The following USP42 variants were observed in gnomAD, a reference collection of about 807,000 sequenced individuals.
USP42 encodes the protein ubiquitin specific peptidase 42.
In USP42, 23 loss-of-function variants were observed where a neutral mutation model predicts 113.0. That is an observed-to-expected ratio of 0.20 (90% CI 0.15 to 0.29). The LOEUF (loss-of-function observed/expected upper bound fraction) is 0.29. USP42 is among the 10% of genes least tolerant of loss of function. USP42 has a pLI of 1.00. For missense variants in USP42, 2,174 were observed against 1,779.8 expected, an observed-to-expected ratio of 1.22 and a Z score of -3.99; for synonymous variants, 933 against 699.0, an observed-to-expected ratio of 1.33 and a Z score of -5.28.
At chr7:6,095,637 C>A in the USP42 span, among the ~76,000 whole-genome samples, 1 of 151,080 alleles carries the variant, frequency 6.6e-6, no homozygotes, top group African/African-American at 2.5e-5. Flanking sequence ...CCACTGCACT[C>A]CAGCCTGGGC....
Position 6,154,793 on chromosome 7 carries a change from G to A in USP42, c.3239G>A (p.Gly1080Asp), listed in dbSNP as rs1330421275. ...CGGGACTGGAAGCCCTTCCACGGCGGCCGCGAGCACGAGCGGGCCGGGCTG... is the reference window on the plus strand; with the variant it reads ...CGGGACTGGAAGCCCTTCCACGGCGACCGCGAGCACGAGCGGGCCGGGCTG... ...AARDWKPFHG[G>D]REHERAGLHE... Residue 1080 changes from glycine (G) to aspartate (D), a missense_variant, in exon 15 of 18, where the codon GGC becomes GAC. Transcript: ENST00000306177. 1 of 1,547,902 alleles carries A rather than the reference G, an allele frequency of 6.5e-7. No individual in the cohort carries two copies.
chr7:6,135,847 C>G lies in USP42; in HGVS notation c.449C>G (p.Ala150Gly). The G allele has an allele frequency of 6.3e-7, 1 of 1,594,032 alleles. No homozygotes were observed. The highest frequency in any genetic ancestry group is 8.5e-7 in the Non-Finnish European group (1 of 1,171,870). Residue 150 changes from alanine to glycine, a missense_variant, in exon 4 of 18, where the codon GCA becomes GGA. Transcript: ENST00000306177. ...LSHEHSKTCH[A>G]EGFCMMCTMQ... ...ATTATCATCTATCTTTCAGGTCATG[C>G]AGAAGGCTTTTGTATGATGTGTACA...
At chr7:6,092,073 TTCC>T in the USP42 span, among the ~76,000 whole-genome samples, 6 of 49,962 alleles carry the variant, frequency 1.2e-4, no homozygotes, top group East Asian at 6.9e-4. Context: ...CTTCTTCTTC[TTCC>T]TCTTCCTCTT....
chr7:6,129,976 G>C (rs1187605622), intron 3 of USP42, among the ~76,000 whole-genome samples: 2 of 152,018 alleles, frequency 1.3e-5, no homozygotes, highest in African/African-American at 4.8e-5. Flanking sequence ...TCAGTTGAAA[G>C]CTGGATTTTA....
At chr7:6,100,045 G>GGTT, upstream of USP42, among the ~76,000 whole-genome samples, 1 of 129,190 alleles carries the variant, frequency 7.7e-6, no homozygotes, top group Non-Finnish European at 1.7e-5. Flanking sequence ...TAGAGACTGG[G>GGTT]GCTCACTATG....
At chr7:6,092,076 C>CTTCTTCTTCTTCTTCTTCTTTTT in the USP42 span, among the ~76,000 whole-genome samples, 1 of 23,818 alleles carries the variant, frequency 4.2e-5, no homozygotes, top group African/African-American at 2.4e-4. Context: ...CTTCTTCTTC[C>CTTCTTCTTCTTCTTCTTCTTTTT]TCTTCCTCTT....
intron 14 of USP42, among the ~76,000 whole-genome samples, chr7:6,151,947 C>CCATA (rs535132451): frequency 1.2e-3 from 179 of 152,208 alleles, no homozygotes; most frequent in African/African-American, 4.1e-3. Context: ...CTGTTGTTGA[C>CCATA]CGTATGTATG....
intron 3 of USP42, among the ~76,000 whole-genome samples, chr7:6,132,095 G>A (rs1376123872): frequency 6.6e-6 from 1 of 152,108 alleles, no homozygotes; most frequent in Non-Finnish European, 1.5e-5. Flanking sequence ...ACCATGCCTG[G>A]CTAATTTTTT....
intron 1 of USP42, among the ~76,000 whole-genome samples, 164 bp from the exon 2 acceptor site, chr7:6,110,961 G>C (rs1326461797): frequency 6.6e-6 from 1 of 152,156 alleles, no homozygotes; most frequent in Non-Finnish European, 1.5e-5. Context: ...GTCCCAAGGG[G>C]ATTATTACAG....
intron 4 of USP42, 116 bp from the exon 5 acceptor site, chr7:6,138,976 A>G: frequency 1.6e-6 from 1 of 643,044 alleles, no homozygotes; most frequent in South Asian, 2.3e-5. Context: ...TTTCCTCATA[A>G]AGTAAGTATT....
At chr7:6,131,020 T>G (rs1403612934) in intron 3 of USP42, among the ~76,000 whole-genome samples, 1 of 152,000 alleles carries the variant, frequency 6.6e-6, no homozygotes, top group African/African-American at 2.4e-5. Context: ...CTGAGATGAT[T>G]AGGGCAGAGG....
In USP42 at chr7:6,115,438, C is replaced by G. The variant is rs780172046; in HGVS notation, c.357C>G (p.Thr119=). The G allele has an allele frequency of 1.9e-6, 3 of 1,614,044 alleles. No homozygotes were observed. In the Admixed American group the frequency reaches 5.0e-5, roughly 27 times the overall value. ...CTGGGCTCCAGAATTTGGGCAATAC[C>G]TGTTTTGCCAATGCAGCACTGCAGT... ...VGAGLQNLGN[T]CFANAALQCL... is the part of the protein sequence containing the mutation. Residue 119 remains threonine (T), a synonymous_variant, in exon 3 of 18, where the codon ACC becomes ACG. Transcript: ENST00000306177.
In USP42 at chr7:6,154,873, C is replaced by G. The variant is rs761845592; in HGVS notation, c.3319C>G (p.Arg1107Gly). 1.3e-6 allele frequency: 2 copies of G among 1,527,794 alleles called. No individual in the cohort carries two copies. The highest frequency in any genetic ancestry group is 2.5e-5 in the East Asian group (1 of 39,864). 94.6% of individuals were successfully genotyped at this position (1,527,794 alleles called of 1,614,324 possible). Residue 1107 changes from arginine to glycine, a missense_variant, in exon 15 of 18, where the codon CGG becomes GGG. By Grantham distance (125) the Arg-to-Gly change is moderately radical (BLOSUM62 -2). Coordinates refer to ENST00000306177, the MANE Select transcript of USP42 (RefSeq NM_032172.3). ...GGGCCGTAGGGGCTGCGAGCCGGCCCGGGAGAGGGAGCGGCACCGCCCCAG... is the reference window on the plus strand; with the variant it reads ...GGGCCGTAGGGGCTGCGAGCCGGCCGGGGAGAGGGAGCGGCACCGCCCCAG... ...NRGRRGCEPA[R>G]ERERHRPSSP...
At chr7:6,102,915 T>G (rs118038962), upstream of USP42, among the ~76,000 whole-genome samples, 1,987 of 150,934 alleles carry the variant, frequency 0.013, 40 homozygotes, top group Middle Eastern at 0.037. Flanking sequence ...GAGAAGAGAC[T>G]GTTGAGATGG....
chr7:6,102,708 G>A (rs1790164703), upstream of USP42, among the ~76,000 whole-genome samples: 1 of 150,940 alleles, frequency 6.6e-6, no homozygotes, highest in South Asian at 2.1e-4. Flanking sequence ...TAGTGGGGTA[G>A]GGCTGGGTAC....
chr7:6,135,899 C>T lies in USP42; in HGVS notation c.501C>T (p.Leu167=), dbSNP rs1031551423. 4 of 1,610,338 alleles carry T rather than the reference C, an allele frequency of 2.5e-6. No individual in the cohort carries two copies. Among genetic ancestry groups the T allele is most frequent in the Middle Eastern group, 1.7e-4 (1 of 6,048 alleles). The part of the protein sequence containing the change: ...CTMQAHITQA[L]SNPGDVIKPM... ...TGCAAGCACATATTACCCAGGCACT[C>T]AGTAATCCTGGGGACGTTATTAAAC... Residue 167 remains leucine (L), a synonymous_variant, in exon 4 of 18, where the codon CTC becomes CTT. Coordinates refer to ENST00000306177, the MANE Select transcript of USP42 (RefSeq NM_032172.3).
At chr7:6,130,922 A>AC (rs1479316682) in intron 3 of USP42, among the ~76,000 whole-genome samples, 1 of 152,086 alleles carries the variant, frequency 6.6e-6, no homozygotes, top group East Asian at 1.9e-4. Flanking sequence ...AGGGTAGGGC[A>AC]GGGGGAAGAA....
At chr7:6,152,917 A>C (rs1164206642) in intron 14 of USP42, 3 of 985,216 alleles carry the variant, frequency 3.0e-6, no homozygotes, top group Non-Finnish European at 3.6e-6. Flanking sequence ...GTCGAGAGGA[A>C]AGGAGGAGGC....
chr7:6,150,372 G>A (rs763584631), intron 13 of USP42, 40 bp from the exon 14 acceptor site: 1 of 1,612,058 alleles, frequency 6.2e-7, no homozygotes, highest in South Asian at 1.1e-5. Flanking sequence ...GAGGCATGGA[G>A]CTGGCGACTG....
Sources: allele counts gnomAD v4.1 joint callset (sites outside exome capture counted in the v4.1 genomes callset), GRCh38; gene constraint gnomAD v4.1.1; transcripts MANE v1.5; gene names NCBI Gene and HGNC (gene_info 2026-07-23, HGNC 2026-07-21).